IQGAP1: variants seen among roughly 807,000 people sequenced by gnomAD.
The protein encoded by IQGAP1 is IQ motif containing GTPase activating protein 1.
IQGAP1 carries 66 observed loss-of-function variants against 215.6 expected under a neutral mutation model. The ratio of observed to expected loss-of-function variants is 0.31; its 90% confidence interval spans 0.25 to 0.38. The LOEUF (loss-of-function observed/expected upper bound fraction) is 0.38. Ranked by LOEUF, IQGAP1 falls within the 10% of genes least tolerant of loss-of-function variation. The pLI is 1.00. For missense variants in IQGAP1, 1,712 were observed against 1,997.1 expected (o/e 0.86, Z 2.72); for synonymous variants, 772 against 728.7 (o/e 1.06, Z -0.96).
At chr15:90,482,802 G>A in intron 28 of IQGAP1, 3 of 788,898 alleles carry the variant, frequency 3.8e-6, no homozygotes, top group South Asian at 5.2e-5. Flanking sequence ...TGCTGTGACT[G>A]CCCCTGAATT....
chr15:90,407,231 A>G (rs568657416), intron 2 of IQGAP1, among the ~76,000 whole-genome samples: 1 of 152,332 alleles, frequency 6.6e-6, no homozygotes, highest in South Asian at 2.1e-4. Flanking sequence ...TATGACCAGG[A>G]TGATAAAGGG....
At chr15:90,432,899 G>T (rs1417539001) in intron 4 of IQGAP1, among the ~76,000 whole-genome samples, 1 of 152,168 alleles carries the variant, frequency 6.6e-6, no homozygotes, top group Non-Finnish European at 1.5e-5. Context: ...AATAGGCCTT[G>T]AAGTTCAAGG....
chr15:90,461,983 C>CAAAAAA (rs1365772796), intron 15 of IQGAP1, among the ~76,000 whole-genome samples: 4 of 85,734 alleles, frequency 4.7e-5, no homozygotes, highest in Non-Finnish European at 5.1e-5. Context: ...ACTAAAAACA[C>CAAAAAA]AAAAAAAAAA....
At chr15:90,474,821 T>G in intron 23 of IQGAP1, 128 bp downstream of exon 23, 3 of 665,060 alleles carry the variant, frequency 4.5e-6, no homozygotes, top group Non-Finnish European at 7.7e-6. Flanking sequence ...AAGAGCTTTT[T>G]TTTTTTCTTT....
At chr15:90,440,463 G>A (rs1251143393) in intron 6 of IQGAP1, 39 bp from the exon 7 acceptor site, 11 of 1,384,142 alleles carry the variant, frequency 7.9e-6, no homozygotes, top group Non-Finnish European at 1.0e-5. Context: ...ATGGAAGGGT[G>A]CTTAGCTTGA....
At position 90,477,108 on chromosome 15, in the gene IQGAP1, C is replaced by T. The variant is rs1250469093; in HGVS notation, c.2982C>T (p.Pro994=). Residue 994 remains proline (P), a synonymous_variant, in exon 25 of 38, where the codon CCC becomes CCT. Coordinates refer to ENST00000268182, the MANE Select transcript of IQGAP1 (RefSeq NM_003870.4). ...TGGCCAAGCTCATTTTTCAGATGCC[C>T]CAGAACAAGTCCACCAAGTTCATGG... The part of the protein sequence containing the change: ...TYLAKLIFQM[P]QNKSTKFMDS... The T allele has an allele frequency of 6.2e-6, 10 of 1,613,972 alleles. No homozygotes were observed. The highest frequency in any genetic ancestry group is 8.5e-6 in the Non-Finnish European group (10 of 1,180,016).
chr15:90,443,626 T>C, intron 9 of IQGAP1, 148 bp downstream of exon 9: 2 of 580,504 alleles, frequency 3.4e-6, no homozygotes, highest in Non-Finnish European at 6.2e-6. Context: ...AACAATCTTT[T>C]GTGTTTCTAT....
intron 19 of IQGAP1, chr15:90,473,213 C>A: frequency 3.6e-6 from 2 of 550,330 alleles, no homozygotes; most frequent in African/African-American, 1.9e-5. Flanking sequence ...AGTGGCAGTT[C>A]TTGGGTACCT....
At chr15:90,437,857 C>T (rs1407591882) in intron 5 of IQGAP1, among the ~76,000 whole-genome samples, 1 of 152,144 alleles carries the variant, frequency 6.6e-6, no homozygotes, top group African/African-American at 2.4e-5. Context: ...TTTTTGAATA[C>T]ATTTAAAATC....
At chr15:90,443,319 A>AG in intron 8 of IQGAP1, 75 bp from the exon 9 acceptor site, 1 of 847,112 alleles carries the variant, frequency 1.2e-6, no homozygotes, top group Non-Finnish European at 2.0e-6. Context: ...ATGGTGCAGG[A>AG]GGAGCACACG....
intron 18 of IQGAP1, among the ~76,000 whole-genome samples, chr15:90,468,291 C>G (rs1226593389): frequency 3.3e-5 from 5 of 152,188 alleles, no homozygotes; most frequent in African/African-American, 1.2e-4. Flanking sequence ...TCTTGAACTC[C>G]TGGCCTCAAG....
At chr15:90,496,435 C>T (rs1009889472) in intron 36 of IQGAP1, among the ~76,000 whole-genome samples, 2 of 150,150 alleles carry the variant, frequency 1.3e-5, no homozygotes, top group Admixed American at 6.7e-5. Context: ...AATCAATTCT[C>T]CTGCCTCAGC....
intron 2 of IQGAP1, among the ~76,000 whole-genome samples, chr15:90,406,428 G>A (rs1567115619): frequency 6.6e-6 from 1 of 152,252 alleles, no homozygotes; most frequent in East Asian, 1.9e-4. Context: ...GCCTCCCAGT[G>A]CTGGGATTAG....
intron 26 of IQGAP1, among the ~76,000 whole-genome samples, chr15:90,478,099 C>A (rs185539957): frequency 2.8e-4 from 43 of 152,274 alleles, no homozygotes; most frequent in African/African-American, 1.0e-3. Context: ...CTAAGCAATT[C>A]TCATGCCCCA....
chr15:90,459,857 T>C (rs1439244104), intron 15 of IQGAP1, among the ~76,000 whole-genome samples: 1 of 152,228 alleles, frequency 6.6e-6, no homozygotes, highest in Non-Finnish European at 1.5e-5. Flanking sequence ...AGTTTTATTT[T>C]CTTCTGATAT....
chr15:90,408,549 T>C (rs1397762363), intron 2 of IQGAP1, among the ~76,000 whole-genome samples: 2 of 152,206 alleles, frequency 1.3e-5, no homozygotes, highest in African/African-American at 4.8e-5. Flanking sequence ...AGATTATTTC[T>C]GATGGTAGGT....
At chr15:90,433,090 C>G (rs1965324654) in intron 4 of IQGAP1, among the ~76,000 whole-genome samples, 1 of 152,190 alleles carries the variant, frequency 6.6e-6, no homozygotes, top group South Asian at 2.1e-4. Flanking sequence ...AACAGATAAA[C>G]ACAAATGATC....
chr15:90,455,924 T>G (rs1341099464), intron 14 of IQGAP1, among the ~76,000 whole-genome samples: 1 of 152,130 alleles, frequency 6.6e-6, no homozygotes, highest in Non-Finnish European at 1.5e-5. Context: ...CAATTAAAAA[T>G]GAAACAAAAG....
At chr15:90,498,560 G>C (rs944755165) in intron 37 of IQGAP1, among the ~76,000 whole-genome samples, 1 of 152,144 alleles carries the variant, frequency 6.6e-6, no homozygotes, top group Non-Finnish European at 1.5e-5. Flanking sequence ...TAACTGCCAG[G>C]TGTGGGGTAT....
Sources: gnomAD v4.1 joint callset for allele counts (sites outside exome capture counted in the v4.1 genomes callset) on GRCh38, gnomAD v4.1.1 for gene constraint, MANE v1.5 for transcripts, NCBI Gene and HGNC (gene_info 2026-07-23, HGNC 2026-07-21) for gene names.